The following RANBP2 variants were observed in gnomAD, a reference collection of about 807,000 sequenced individuals.
RANBP2 encodes the protein E3 SUMO-protein ligase RanBP2.
Under a neutral mutation model 303.6 loss-of-function variants are expected in RANBP2, and 57 were observed. The observed-to-expected ratio is 0.19, with a 90% confidence interval of 0.15 to 0.23. The LOEUF (loss-of-function observed/expected upper bound fraction) is 0.23. Among genes scored for constraint, RANBP2 ranks in the 10% least tolerant of loss-of-function variants. The pLI is 1.00. For missense variants in RANBP2, 3,138 were observed against 3,780.8 expected, an observed-to-expected ratio of 0.83 and a Z score of 4.46; for synonymous variants, 1,167 against 1,301.5, an observed-to-expected ratio of 0.90 and a Z score of 2.23.
At position 108,783,790 on chromosome 2, in the gene RANBP2, A is replaced by T; in HGVS notation, c.9564A>T (p.Val3188=). The T allele has an allele frequency of 6.2e-7, 1 of 1,611,952 alleles. No homozygotes were observed. Among genetic ancestry groups the T allele is most frequent in the Non-Finnish European group, 8.5e-7 (1 of 1,178,032 alleles). The change falls in exon 29 of 29, where the codon GTA becomes GTT. Residue 3188 remains valine (V), a synonymous_variant. Coordinates refer to ENST00000283195, the MANE Select transcript of RANBP2 (RefSeq NM_006267.5). ...AACATTTGGACTTTAAGCATGTAGTATTTGGGTTTGTTAAGGATGGCATGG... is the reference window on the plus strand; with the variant it reads ...AACATTTGGACTTTAAGCATGTAGTTTTTGGGTTTGTTAAGGATGGCATGG... ...KAEHLDFKHV[V]FGFVKDGMDT... is the part of the protein sequence containing the mutation.
chr2:108,963,288 T>C, the RANBP2 span, among the ~76,000 whole-genome samples: 1 of 152,224 alleles, frequency 6.6e-6, no homozygotes, highest in Admixed American at 6.5e-5. Context: ...TACACACTGT[T>C]AAACTGTTCA....
At chr2:109,510,390 T>C in the RANBP2 span, among the ~76,000 whole-genome samples, 1 of 152,138 alleles carries the variant, frequency 6.6e-6, no homozygotes, top group Non-Finnish European at 1.5e-5. Flanking sequence ...AAGGCGTCTC[T>C]GCCAAGGGGG....
chr2:109,317,406 G>A, the RANBP2 span, among the ~76,000 whole-genome samples: 1 of 152,216 alleles, frequency 6.6e-6, no homozygotes, highest in Admixed American at 6.5e-5. Context: ...CTTTTTCCCT[G>A]TTAGCGCTCA....
the RANBP2 span, chr2:109,613,414 T>C: frequency 3.2e-6 from 1 of 315,256 alleles, no homozygotes; most frequent in Non-Finnish European, 6.4e-6. Flanking sequence ...GGCTCGGAAG[T>C]GCTCACGGCT....
the RANBP2 span, among the ~76,000 whole-genome samples, chr2:108,947,919 T>G: frequency 6.6e-6 from 1 of 152,348 alleles, no homozygotes; most frequent in Non-Finnish European, 1.5e-5. Flanking sequence ...TGGGTTTTTC[T>G]TTTCTACCAT....
At chr2:109,376,372 G>A in the RANBP2 span, among the ~76,000 whole-genome samples, 2 of 152,228 alleles carry the variant, frequency 1.3e-5, no homozygotes, top group African/African-American at 4.8e-5. Context: ...AATCAGCTCG[G>A]GTTGGAGAGA....
chr2:109,593,408 A>ATTTTTT, the RANBP2 span, among the ~76,000 whole-genome samples: 1 of 97,122 alleles, frequency 1.0e-5, no homozygotes, highest in African/African-American at 4.5e-5. Context: ...GAGAGAAAGA[A>ATTTTTT]CTTTTTTTTT....
At chr2:108,866,517 A>T in the RANBP2 span, among the ~76,000 whole-genome samples, 2 of 152,204 alleles carry the variant, frequency 1.3e-5, no homozygotes, top group African/African-American at 4.8e-5. Context: ...AGGATATTCC[A>T]TGTACAGGTA....
At chr2:109,463,231 T>A in the RANBP2 span, among the ~76,000 whole-genome samples, 1 of 152,274 alleles carries the variant, frequency 6.6e-6, no homozygotes, top group Non-Finnish European at 1.5e-5. Context: ...AGCCCATCTA[T>A]TTCTCTTCCA....
At chr2:108,778,287 C>T (rs1678019057) in intron 25 of RANBP2, among the ~76,000 whole-genome samples, 1 of 152,232 alleles carries the variant, frequency 6.6e-6, no homozygotes, top group Admixed American at 6.5e-5. Flanking sequence ...TCACTTCTCA[C>T]TACCACTTGT....
chr2:108,772,884 T>C lies in RANBP2; in HGVS notation c.8130T>C (p.Cys2710=). Residue 2710 remains cysteine, a synonymous_variant, in exon 23 of 29, where the codon TGT becomes TGC. Coordinates refer to ENST00000283195, the MANE Select transcript of RANBP2 (RefSeq NM_006267.5). ...ATTTTTCAGATAATGAGAAAGAATGTATTATTGTTTGGGAAAAGAAACCAA... is the reference window on the plus strand; with the variant it reads ...ATTTTTCAGATAATGAGAAAGAATGCATTATTGTTTGGGAAAAGAAACCAA... ...EENTADNEKE[C]IIVWEKKPTV... is the part of the protein sequence containing the mutation. 1 of 1,613,948 alleles carries C rather than the reference T, an allele frequency of 6.2e-7. No homozygotes were observed. Among genetic ancestry groups the C allele is most frequent in the Middle Eastern group, 1.6e-4 (1 of 6,062 alleles).
At chr2:109,187,096 A>C in the RANBP2 span, among the ~76,000 whole-genome samples, 4 of 149,782 alleles carry the variant, frequency 2.7e-5, no homozygotes, top group Non-Finnish European at 4.5e-5. Flanking sequence ...CATCATGACC[A>C]CACTCTTTGC....
the RANBP2 span, among the ~76,000 whole-genome samples, chr2:109,612,340 A>C: frequency 6.6e-6 from 1 of 152,230 alleles, no homozygotes; most frequent in Non-Finnish European, 1.5e-5. Context: ...GGTTATAAAA[A>C]GGCATTAAGG....
At chr2:109,614,975 G>T in the RANBP2 span, 3 of 1,538,128 alleles carry the variant, frequency 2.0e-6, no homozygotes, top group African/African-American at 2.7e-5. Context: ...GCGACGTGCA[G>T]CCCCTACCGC....
At chr2:108,771,914 C>G in intron 21 of RANBP2, 43 bp downstream of exon 21, 1 of 1,611,494 alleles carries the variant, frequency 6.2e-7, no homozygotes, top group Non-Finnish European at 8.5e-7. Flanking sequence ...TCCCGCTAAT[C>G]TTAGTAAAAT....
At chr2:109,612,126 C>A in the RANBP2 span, among the ~76,000 whole-genome samples, 1 of 152,000 alleles carries the variant, frequency 6.6e-6, no homozygotes, top group Admixed American at 6.5e-5. Context: ...TGGAATACTA[C>A]CCCAGCAAAC....
the RANBP2 span, among the ~76,000 whole-genome samples, chr2:109,227,438 A>G: frequency 2.6e-5 from 4 of 152,204 alleles, no homozygotes; most frequent in African/African-American, 9.6e-5. Flanking sequence ...CTCACAGTCA[A>G]GTAAAAACCA....
chr2:108,756,719 GC>G (rs1195117507), intron 17 of RANBP2, among the ~76,000 whole-genome samples: 1 of 152,196 alleles, frequency 6.6e-6, no homozygotes, highest in African/African-American at 2.4e-5. Flanking sequence ...TACTGACTCT[GC>G]CATTAATTAA....
the RANBP2 span, among the ~76,000 whole-genome samples, chr2:108,845,745 G>T: frequency 6.6e-6 from 1 of 151,834 alleles, no homozygotes; most frequent in Admixed American, 6.6e-5. Flanking sequence ...CTATTTTTTT[G>T]TATTTTTAGT....
Sources: gnomAD v4.1 joint callset for allele counts (sites outside exome capture counted in the v4.1 genomes callset) on GRCh38, gnomAD v4.1.1 for gene constraint, MANE v1.5 for transcripts, NCBI Gene and HGNC (gene_info 2026-07-23, HGNC 2026-07-21) for gene names.